Variants in LSR observed in about 807,000 individuals in gnomAD.
The protein encoded by LSR is lipolysis-stimulated lipoprotein receptor.
In LSR, 44 loss-of-function variants were observed where a neutral mutation model predicts 61.8. That is an observed-to-expected ratio of 0.71 (90% CI 0.56 to 0.91). LSR has a LOEUF of 0.91. Among genes scored for constraint, LSR ranks in the 40% least tolerant of loss-of-function variants. The probability of loss-of-function intolerance (pLI) is 0.00; values close to 1 mark genes in which losing one functional copy is unlikely to be tolerated. For synonymous variants in LSR, 397 were observed against 350.6 expected (o/e 1.13, Z -1.48); for missense variants, 911 against 830.5 (o/e 1.10, Z -1.19).
intron 1 of LSR, among the ~76,000 whole-genome samples, chr19:35,249,980 G>A (rs183225827): frequency 2.0e-5 from 3 of 152,310 alleles, no homozygotes; most frequent in African/African-American, 7.2e-5. Flanking sequence ...GGGCTTGCCT[G>A]CCCAGGCCAC....
At chr19:35,264,378 CTGTGAATGTT>C (rs948106122) in intron 5 of LSR, 8 of 152,340 alleles carry the variant, frequency 5.3e-5, no homozygotes, top group African/African-American at 1.9e-4. Context: ...TGTCTCTCTT[CTGTGAATGTT>C]TGTGAATATC....
In LSR at chr19:35,267,854, G is replaced by A. The variant is rs145814439; in HGVS notation, c.1801G>A (p.Val601Ile). Reference protein sequence around the residue: ...NLALSRESLVV With the variant: ...NLALSRESLVI ...GGCCCTGAGTCGGGAAAGTTTAGTC[G>A]TCTGATCTGACGTTTTCTACGTAGC... The change falls in exon 10 of 10, where the codon GTC becomes ATC. Residue 601 changes from valine (V) to isoleucine (I), a missense_variant. Transcript: ENST00000605618. 7.4e-6 allele frequency: 12 copies of A among 1,613,654 alleles called. No individual in the cohort carries two copies. Among genetic ancestry groups the A allele is most frequent in the Non-Finnish European group, 1.0e-5 (12 of 1,179,888 alleles).
Position 35,267,393 on chromosome 19 carries a change from C to T in LSR, c.1429C>T (p.Pro477Ser), listed in dbSNP as rs199499157. The T allele has an allele frequency of 2.5e-6, 4 of 1,605,774 alleles. No homozygotes were observed. Among genetic ancestry groups the T allele is most frequent in the South Asian group, 1.1e-5 (1 of 90,234 alleles). Residue 477 changes from proline to serine, a missense_variant, in exon 9 of 10, where the codon CCC (proline) becomes TCC (serine). Physicochemically the swap from Pro to Ser is moderately conservative, Grantham distance 74 (BLOSUM62 -1). Transcript: ENST00000605618. ...TGGTGGGAGAAGCCGGGCCTACATG[C>T]CCCCGCGGAGCCGCAGCCGGGACGA... ...SNGGRSRAYMPPRSRSRDDLY... is the reference protein window; with the variant it reads ...SNGGRSRAYMSPRSRSRDDLY...
chr19:35,265,724 G>A (rs966187645), intron 5 of LSR, among the ~76,000 whole-genome samples: 5 of 152,176 alleles, frequency 3.3e-5, no homozygotes, highest in Admixed American at 2.6e-4. Flanking sequence ...CCATGAGTTA[G>A]AAACACTAGA....
In LSR at chr19:35,250,475, T is replaced by A. The variant is rs1375440405; in HGVS notation, c.270T>A (p.Asp90Glu). ...CTTTCTGCCGGGACCGCATCGCCGA[T>A]GCCTTCTCCCCGGCCAGCGTCGACA... ...YKSFCRDRIADAFSPASVDNQ... is the reference protein window; with the variant it reads ...YKSFCRDRIAEAFSPASVDNQ... The change falls in exon 2 of 10, where the codon GAT (aspartate) becomes GAA (glutamate). Residue 90 changes from aspartate to glutamate, a missense_variant. Physicochemically the swap from Asp to Glu is conservative, Grantham distance 45. Transcript: ENST00000605618. 6.2e-7 allele frequency: 1 copy of A among 1,614,024 alleles called. No individual in the cohort carries two copies. Among genetic ancestry groups the A allele is most frequent in the Non-Finnish European group, 8.5e-7 (1 of 1,180,026 alleles).
chr19:35,254,122 T>G lies in LSR; in HGVS notation c.454+3463T>G, dbSNP rs554704943. On this transcript the variant is annotated intron_variant, in intron 2 of 9. Coordinates refer to ENST00000605618, the MANE Select transcript of LSR (RefSeq NM_205834.4). The stretch of plus-strand genomic sequence containing the variant: ...CTGGGGTTTTTCTGTTGTTGTTGTT[T>G]TTTTTCTGTTGCCCAGGCTGGAGTG... 2.6e-5 allele frequency among the ~76,000 whole-genome samples: 4 copies of G among 152,258 alleles called. No individual in the cohort carries two copies. The South Asian group carries it at 8.3e-4, about 32-fold the overall frequency.
chr19:35,259,329 C>CT (rs2065895841), intron 3 of LSR: 1 of 313,322 alleles, frequency 3.2e-6, no homozygotes, highest in Non-Finnish European at 5.9e-6. Context: ...TTTTCAAAGT[C>CT]TCATTTTTAA....
intron 6 of LSR, 46 bp from the exon 7 acceptor site, chr19:35,266,633 G>C: frequency 6.3e-7 from 1 of 1,598,110 alleles, no homozygotes; most frequent in South Asian, 1.1e-5. Context: ...AGCCGAGGAG[G>C]GGCTCTGCTC....
intron 4 of LSR, among the ~76,000 whole-genome samples, chr19:35,262,227 G>A (rs1245528051): frequency 2.6e-5 from 4 of 152,196 alleles, no homozygotes; most frequent in African/African-American, 7.2e-5. Flanking sequence ...TCTTGAGGGT[G>A]TGGCGTCTGG....
chr19:35,266,714 G>A lies in LSR; in HGVS notation c.988G>A (p.Asp330Asn), dbSNP rs1303545649. 2 of 1,609,292 alleles carry A rather than the reference G, an allele frequency of 1.2e-6. No individual in the cohort carries two copies. Among genetic ancestry groups the A allele is most frequent in the Non-Finnish European group, 8.5e-7 (1 of 1,178,204 alleles). ...AGGCTCCTATGTACCCCTGCTTCGG[G>A]ACACGGACAGCAGTGTGGCCTCTGG... ...GQGSYVPLLRDTDSSVASEVR... is the reference protein window; with the variant it reads ...GQGSYVPLLRNTDSSVASEVR... The change falls in exon 7 of 10, where the codon GAC (aspartate) becomes AAC (asparagine). Residue 330 changes from aspartate to asparagine, a missense_variant. Coordinates refer to ENST00000605618, the MANE Select transcript of LSR (RefSeq NM_205834.4).
rs2066051912 is a variant in LSR, at chr19:35,267,937, C to T, written c.*78C>T. On this transcript the variant is annotated 3_prime_UTR_variant, in exon 10 of 10. Transcript: ENST00000605618. ...CTGATGAAGCCCTGCCATACCCCTC[C>T]CGAGTCTAATAAAACGTATAATCAC... 1 of 1,504,022 alleles carries T rather than the reference C, an allele frequency of 6.6e-7. No homozygotes were observed. Among genetic ancestry groups the T allele is most frequent in the African/African-American group, 1.4e-5 (1 of 71,924 alleles). The allele number at this position is 1,504,022 out of a possible 1,614,324, so 93.2% of individuals were successfully genotyped here.
chr19:35,252,097 G>C (rs569453795), intron 2 of LSR, among the ~76,000 whole-genome samples: 3 of 151,658 alleles, frequency 2.0e-5, no homozygotes, highest in Non-Finnish European at 4.4e-5. Context: ...GCCTCCCAAA[G>C]TGCTGGGATT....
In LSR at chr19:35,267,353, G is replaced by A. The variant is rs974074182; in HGVS notation, c.1389G>A (p.Arg463=). The change falls in exon 9 of 10, where the codon AGG becomes AGA. Residue 463 remains arginine (R), a synonymous_variant. Transcript: ENST00000605618. Reference sequence around the variant, plus strand: ...CGAGCACCGCCGAGTCAGGGAGCAGGTCTCCCACGAGTAATGGTGGGAGAA... The same window carrying A: ...CGAGCACCGCCGAGTCAGGGAGCAGATCTCCCACGAGTAATGGTGGGAGAA... ...TPPSTAESGS[R]SPTSNGGRSR... is the part of the protein sequence containing the mutation. 8 of 1,555,030 alleles carry A rather than the reference G, an allele frequency of 5.1e-6. No individual in the cohort carries two copies. The highest frequency in any genetic ancestry group is 1.5e-5 in the African/African-American group (1 of 68,778).
At chr19:35,250,740 C>A in intron 2 of LSR, 81 bp downstream of exon 2, 1 of 1,128,468 alleles carries the variant, frequency 8.9e-7, no homozygotes, top group East Asian at 2.6e-5. Flanking sequence ...CCTGGAGTCC[C>A]CATCTGAAAG....
At chr19:35,249,271 C>T (rs1441494838) in intron 1 of LSR, 140 bp downstream of exon 1, 2 of 1,067,508 alleles carry the variant, frequency 1.9e-6, no homozygotes, top group African/African-American at 3.4e-5. Context: ...CTTGGGCGAT[C>T]TGTTGCGCGC....
intron 5 of LSR, among the ~76,000 whole-genome samples, chr19:35,266,093 C>T (rs1474176411): frequency 6.6e-6 from 1 of 152,202 alleles, no homozygotes; most frequent in Non-Finnish European, 1.5e-5. Context: ...TTCTGCCACC[C>T]TGGGGCTGTG....
chr19:35,258,321 C>G (rs911169187), intron 2 of LSR, among the ~76,000 whole-genome samples: 12 of 152,130 alleles, frequency 7.9e-5, no homozygotes, highest in African/African-American at 2.9e-4. Context: ...TGGCAGGTGC[C>G]TATAATCCCA....
At position 35,267,679 on chromosome 19, in the gene LSR, C is replaced by G; in HGVS notation, c.1715C>G (p.Pro572Arg). Residue 572 changes from proline (P) to arginine (R), a missense_variant, in exon 9 of 10, where the codon CCG becomes CGG. Coordinates refer to ENST00000605618, the MANE Select transcript of LSR (RefSeq NM_205834.4). ...EEEEAYYPPAPPPYSETDSQA... is the reference protein window; with the variant it reads ...EEEEAYYPPARPPYSETDSQA... The stretch of plus-strand genomic sequence containing the variant: ...GAAGAGGCCTACTACCCGCCCGCGC[C>G]GCCCCCGTACTCGGAGACCGACTCG... 1.2e-6 allele frequency: 2 copies of G among 1,604,398 alleles called. No homozygotes were observed. Among genetic ancestry groups the G allele is most frequent in the Non-Finnish European group, 1.7e-6 (2 of 1,175,994 alleles).
intron 2 of LSR, among the ~76,000 whole-genome samples, chr19:35,255,951 GGCCTAGCGAGGTGGCTCAT>G (rs2065851194): frequency 6.6e-6 from 1 of 152,128 alleles, no homozygotes; most frequent in African/African-American, 2.4e-5. Flanking sequence ...TAAGAGCTCA[GGCCTAGCGAGGTGGCTCAT>G]GCCTGGAATC....
Sources: allele counts gnomAD v4.1 joint callset (sites outside exome capture counted in the v4.1 genomes callset), GRCh38; gene constraint gnomAD v4.1.1; transcripts MANE v1.5; gene names NCBI Gene and HGNC (gene_info 2026-07-23, HGNC 2026-07-21).